The following C6 variants were observed in gnomAD, a reference collection of about 807,000 sequenced individuals.
C6 encodes complement component C6.
In C6, 101 loss-of-function variants were observed where a neutral mutation model predicts 112.9. The observed-to-expected ratio is 0.89, with a 90% CI of 0.76 to 1.06. The LOEUF (loss-of-function observed/expected upper bound fraction) is 1.06, where lower values mean the gene tolerates loss of function less well. Among genes scored for constraint, C6 ranks in the 50% least tolerant of loss-of-function variants. C6 has a pLI of 0.00. For missense variants in C6, 1,202 were observed against 1,104.6 expected (o/e 1.09, Z -1.25); for synonymous variants, 431 against 384.1 (o/e 1.12, Z -1.43).
chr5:41,247,657 G>T (rs992014082), intron 1 of C6, among the ~76,000 whole-genome samples: 2 of 150,912 alleles, frequency 1.3e-5, no homozygotes, highest in Non-Finnish European at 2.9e-5. Flanking sequence ...GGTGGAGCCT[G>T]CAGTGAGCCG....
intron 1 of C6, among the ~76,000 whole-genome samples, chr5:41,210,241 C>T (rs535584412): frequency 4.6e-5 from 7 of 152,052 alleles, no homozygotes; most frequent in South Asian, 4.2e-4. Flanking sequence ...GACTTAAATG[C>T]TAGACCTAAA....
chr5:41,149,889 A>G (rs771859949), intron 16 of C6, 46 bp downstream of exon 16: 10 of 1,281,884 alleles, frequency 7.8e-6, no homozygotes, highest in Non-Finnish European at 1.1e-5. Flanking sequence ...GTTACACTAG[A>G]CTGGTTTTCC....
At chr5:41,250,744 A>G (rs762519085) in intron 1 of C6, among the ~76,000 whole-genome samples, 1 of 152,136 alleles carries the variant, frequency 6.6e-6, no homozygotes, top group Non-Finnish European at 1.5e-5. Flanking sequence ...AGCCACAGTA[A>G]ACCTTCAGAC....
rs755839036 is a variant in C6 at position 41,142,847 on chromosome 5, T to C, written c.2783A>G (p.His928Arg). 6.2e-7 allele frequency: 1 copy of C among 1,613,356 alleles called. No individual in the cohort carries two copies. ...GTGCTAGGCCAAACACTTTCCAGGA[T>C]GCAGTATTTCCATCTTCCTGTTTGC... ...RCANRKMEIL[H>R]PGKCLA Residue 928 changes from histidine (H) to arginine (R), a missense_variant, in exon 18 of 18, where the codon CAT becomes CGT. Transcript: ENST00000337836.
At chr5:41,243,719 C>G (rs1315673500) in intron 1 of C6, among the ~76,000 whole-genome samples, 1 of 152,208 alleles carries the variant, frequency 6.6e-6, no homozygotes, top group Non-Finnish European at 1.5e-5. Context: ...CTGCTACTCT[C>G]TGCCTGAAGG....
At position 41,203,250 on chromosome 5, in the gene C6, C is replaced by T; in HGVS notation, c.-20G>A. On this transcript the variant is annotated splice_region_variant and 5_prime_UTR_variant, in exon 2 of 18. Coordinates refer to ENST00000337836, the MANE Select transcript of C6 (RefSeq NM_000065.5). The stretch of plus-strand genomic sequence containing the variant: ...GGCCATGCCTTGAGAGCCTCCAGGC[C>T]CTAAAATGAAAGAATACATAACACA... 1 of 1,613,612 alleles carries T rather than the reference C, an allele frequency of 6.2e-7. No individual in the cohort carries two copies. The highest frequency in any genetic ancestry group is 8.5e-7 in the Non-Finnish European group (1 of 1,179,680).
At chr5:41,149,541 C>T (rs190900053) in intron 16 of C6, 59 bp from the exon 17 acceptor site, 91 of 1,605,038 alleles carry the variant, frequency 5.7e-5, no homozygotes, top group East Asian at 8.9e-5. Context: ...ACAGGGGGCA[C>T]GTAGCCAATG....
chr5:41,198,599 A>G (rs1390654720), intron 4 of C6, among the ~76,000 whole-genome samples: 1 of 152,144 alleles, frequency 6.6e-6, no homozygotes. Flanking sequence ...GGTTATGGAC[A>G]TAACTGTTGA....
chr5:41,219,581 G>A lies in C6; in HGVS notation c.-20-16331C>T, dbSNP rs577914935. 2.0e-5 allele frequency among the ~76,000 whole-genome samples: 3 copies of A among 152,258 alleles called. No homozygotes were observed. The East Asian group carries it at 5.8e-4, about 29-fold the overall frequency. Reference sequence around the variant, plus strand: ...CTACTGAAAAACTAATGATAGCAGTGATATAATCCTCTGGGCACAGGGCAA... The same window carrying A: ...CTACTGAAAAACTAATGATAGCAGTAATATAATCCTCTGGGCACAGGGCAA... On this transcript the variant is annotated intron_variant, in intron 1 of 17. Transcript: ENST00000263413.
chr5:41,229,379 C>T (rs1018007716), intron 1 of C6, among the ~76,000 whole-genome samples: 1 of 150,650 alleles, frequency 6.6e-6, no homozygotes, highest in South Asian at 2.1e-4. Flanking sequence ...AGTTATGTTA[C>T]CACTCTCATT....
intron 1 of C6, among the ~76,000 whole-genome samples, chr5:41,251,075 C>A (rs187364174): frequency 6.6e-6 from 1 of 152,102 alleles, no homozygotes. Context: ...ATCTTGAGTG[C>A]GGAGAACTAT....
At position 41,159,191 on chromosome 5, in the gene C6, T is replaced by A; in HGVS notation, c.1747A>T (p.Arg583Ter). The A allele has an allele frequency of 6.2e-7, 1 of 1,613,568 alleles. No individual in the cohort carries two copies. Among genetic ancestry groups the A allele is most frequent in the Non-Finnish European group, 8.5e-7 (1 of 1,179,720 alleles). Reference protein sequence around the residue: ...SWSTCDATYKRSRTRECNNPA... With the variant: ...SWSTCDATYK ...TTATTGCATTCTCGGGTTCTCGATCTCTTATAAGTAGCATCACAGGTACTC... is the reference window on the plus strand; with the variant it reads ...TTATTGCATTCTCGGGTTCTCGATCACTTATAAGTAGCATCACAGGTACTC... Residue 583 changes from arginine to a stop codon, truncating the protein, a stop_gained, in exon 12 of 18, where the codon AGA (arginine) becomes TGA (stop). Coordinates refer to ENST00000337836, the MANE Select transcript of C6 (RefSeq NM_000065.5). LOFTEE classifies it high-confidence loss of function.
intron 1 of C6, among the ~76,000 whole-genome samples, chr5:41,245,137 A>G (rs1740944163): frequency 6.6e-6 from 1 of 152,158 alleles, no homozygotes; most frequent in Non-Finnish European, 1.5e-5. Flanking sequence ...TCATGTTGGT[A>G]TCACAGTAAT....
At chr5:41,218,370 G>A (rs1474863303), upstream of C6, among the ~76,000 whole-genome samples, 1 of 151,610 alleles carries the variant, frequency 6.6e-6, no homozygotes, top group Non-Finnish European at 1.5e-5. Context: ...ACTGTTCTAG[G>A]CACTTGAACA....
intron 17 of C6, 42 bp from the exon 18 acceptor site, chr5:41,143,048 C>T (rs1347504382): frequency 6.3e-7 from 1 of 1,580,328 alleles, no homozygotes; most frequent in Admixed American, 1.7e-5. Context: ...TACCACAGTA[C>T]ATTAGGGTTT....
intron 1 of C6, among the ~76,000 whole-genome samples, chr5:41,253,269 C>A (rs1304929027): frequency 6.6e-6 from 1 of 152,138 alleles, no homozygotes; most frequent in African/African-American, 2.4e-5. Flanking sequence ...CACCTGTAAT[C>A]CAACCTCTTG....
rs547715870 is a variant in C6 at position 41,186,998 on chromosome 5, T to G, written c.588-790A>C. On this transcript the variant is annotated intron_variant, in intron 5 of 17. Transcript: ENST00000337836. The stretch of plus-strand genomic sequence containing the variant: ...TGTATTCTGTGAAAAAAGTAGTTTT[T>G]TTGTCAAACAGTTTGGTAATGCTGT... Among the ~76,000 whole-genome samples the G allele has an allele frequency of 5.9e-5, 9 of 152,298 alleles. No homozygotes were observed. The Middle Eastern group carries it at 0.024, about 403-fold the overall frequency.
chr5:41,183,682 C>T (rs901219864), intron 6 of C6, among the ~76,000 whole-genome samples: 3 of 152,146 alleles, frequency 2.0e-5, no homozygotes, highest in Non-Finnish European at 4.4e-5. Context: ...CATGCACTTG[C>T]ATGTTTATCG....
At chr5:41,217,419 A>C (rs559950415), upstream of C6, among the ~76,000 whole-genome samples, 2 of 152,116 alleles carry the variant, frequency 1.3e-5, no homozygotes, top group South Asian at 4.1e-4. Context: ...GATTGAATTG[A>C]GTTGTCTACA....
Sources: allele counts gnomAD v4.1 joint callset (sites outside exome capture counted in the v4.1 genomes callset), GRCh38; gene constraint gnomAD v4.1.1; transcripts MANE v1.5; gene names NCBI Gene and HGNC (gene_info 2026-07-23, HGNC 2026-07-21).